TMCO4: variants seen among roughly 807,000 people sequenced by gnomAD.
The protein encoded by TMCO4 is transmembrane and coiled-coil domains 4.
Under a neutral mutation model 64.7 loss-of-function variants are expected in TMCO4, and 58 were observed. The observed-to-expected ratio is 0.90, with a 90% CI of 0.73 to 1.12. The LOEUF (loss-of-function observed/expected upper bound fraction) is 1.12. TMCO4 is among the 50% of genes most tolerant of loss of function. TMCO4 has a pLI of 0.00. For missense variants in TMCO4, 780 were observed against 825.9 expected (o/e 0.94, Z 0.68); for synonymous variants, 325 against 346.1 (o/e 0.94, Z 0.68).
At chr1:19,796,637 C>T (rs890669882) in intron 2 of TMCO4, among the ~76,000 whole-genome samples, 7 of 152,038 alleles carry the variant, frequency 4.6e-5, no homozygotes, top group Non-Finnish European at 7.4e-5. Context: ...TGCAGTAGCT[C>T]GATCTCGGCT....
Position 19,693,181 on chromosome 1 carries a change from A to C in TMCO4, c.1500+1253T>G, listed in dbSNP as rs1378348729. On this transcript the variant is annotated intron_variant, in intron 15 of 15. Coordinates refer to ENST00000294543, the MANE Select transcript of TMCO4 (RefSeq NM_181719.7). ...CCCCATCTCAAAAAAAAAAAAAAAA[A>C]AAAAAAAAAAAAAAAAAAAGGCCAG... Among the ~76,000 whole-genome samples, 70 of 141,304 alleles carry C rather than the reference A, an allele frequency of 5.0e-4. 1 individual carries two copies. The highest frequency in any genetic ancestry group is 3.5e-3 in the Middle Eastern group (1 of 286). The allele number at this position is 141,304 out of a possible 152,430, so 92.7% of individuals were successfully genotyped here. A position where few individuals can be genotyped will look rare whatever the true frequency, so the allele number is the denominator to read the frequency against.
intron 2 of TMCO4, among the ~76,000 whole-genome samples, chr1:19,788,378 G>GA (rs1338761170): frequency 1.3e-5 from 2 of 152,152 alleles, no homozygotes; most frequent in African/African-American, 4.8e-5. Context: ...GAACTCTCTA[G>GA]AAAGTTATTT....
chr1:19,690,203 T>C (rs1026706060), intron 15 of TMCO4, among the ~76,000 whole-genome samples: 15 of 152,214 alleles, frequency 9.9e-5, no homozygotes, highest in African/African-American at 3.1e-4. Flanking sequence ...CTCATTCTTC[T>C]TGGATGCTGG....
In TMCO4 at chr1:19,756,761, G is replaced by A. The variant is rs189626804; in HGVS notation, c.383-995C>T. ...AATCCCAGCTACTTTGGAAGCTGAT[G>A]GGGGAGGATCACTTGAGCGCAGGAG... On this transcript the variant is annotated intron_variant, in intron 6 of 15. Coordinates refer to ENST00000294543, the MANE Select transcript of TMCO4 (RefSeq NM_181719.7). Among the ~76,000 whole-genome samples, 220 of 152,292 alleles carry A rather than the reference G, an allele frequency of 1.4e-3. 1 individual carries two copies. Among genetic ancestry groups the A allele is most frequent in the African/African-American group, 5.1e-3 (214 of 41,562 alleles).
intron 13 of TMCO4, among the ~76,000 whole-genome samples, chr1:19,709,935 C>T (rs1032670186): frequency 2.7e-5 from 4 of 150,812 alleles, no homozygotes; most frequent in Non-Finnish European, 5.9e-5. Context: ...ATTACAGCCA[C>T]CATGCCCAGT....
chr1:19,694,293 C>T (rs751688381), intron 15 of TMCO4, 141 bp downstream of exon 15: 15 of 681,922 alleles, frequency 2.2e-5, no homozygotes, highest in Non-Finnish European at 3.4e-5. Context: ...TGAGCCACTG[C>T]ACCTGGCTCC....
At chr1:19,748,604 C>T (rs1193139317) in intron 7 of TMCO4, among the ~76,000 whole-genome samples, 6 of 152,192 alleles carry the variant, frequency 3.9e-5, no homozygotes, top group South Asian at 2.1e-4. Context: ...GCAGGTGGAT[C>T]ACCTGAGGTC....
In TMCO4 at chr1:19,682,913, A is replaced by G. The variant is rs1055103416; in HGVS notation, c.*127T>C. On this transcript the variant is annotated 3_prime_UTR_variant, in exon 16 of 16. Coordinates refer to ENST00000294543, the MANE Select transcript of TMCO4 (RefSeq NM_181719.7). ...CCATTTCCTTTCCCTTTCAGTTCCA[A>G]TTCCTTCCATTTAGGAAAGAGGCCT... 3 of 1,268,722 alleles carry G rather than the reference A, an allele frequency of 2.4e-6. No individual in the cohort carries two copies. The highest frequency in any genetic ancestry group is 1.4e-5 in the South Asian group (1 of 69,474). 78.6% of individuals were successfully genotyped at this position (1,268,722 alleles called of 1,614,324 possible).
rs12077869 is a variant in TMCO4, at chr1:19,754,294, T to C, written c.515+1340A>G. On this transcript the variant is annotated intron_variant, in intron 7 of 15. Transcript: ENST00000294543. ...TAATTTCAAGGCATATAAGATCCTA[T>C]AAATTCCCGACATATCCAAAGAACC... Among the ~76,000 whole-genome samples, 244 of 152,312 alleles carry C rather than the reference T, an allele frequency of 1.6e-3. 1 individual carries two copies. The highest frequency in any genetic ancestry group is 5.8e-3 in the African/African-American group (240 of 41,556).
At chr1:19,701,193 T>A in intron 13 of TMCO4, 1 of 146,416 alleles carries the variant, frequency 6.8e-6, no homozygotes, top group African/African-American at 3.2e-5. Context: ...TTTTTTGAGG[T>A]GGAGTCTCAC....
chr1:19,757,874 C>G (rs2042336500), intron 6 of TMCO4, among the ~76,000 whole-genome samples: 1 of 152,188 alleles, frequency 6.6e-6, no homozygotes. Flanking sequence ...GACTCAAGTA[C>G]TATGACATGC....
intron 13 of TMCO4, among the ~76,000 whole-genome samples, chr1:19,720,635 C>CATAA (rs146702188): frequency 0.024 from 3,687 of 151,994 alleles, 151 homozygotes; most frequent in African/African-American, 0.083. Flanking sequence ...TGGGGCTTTG[C>CATAA]ATAAATAAAT....
chr1:19,745,031 G>A (rs989880132), intron 10 of TMCO4, among the ~76,000 whole-genome samples: 3 of 151,992 alleles, frequency 2.0e-5, no homozygotes, highest in Non-Finnish European at 4.4e-5. Context: ...CAGATGGGTG[G>A]GTGAATGGAC....
At chr1:19,709,013 G>C (rs1168880849) in intron 13 of TMCO4, among the ~76,000 whole-genome samples, 1 of 152,124 alleles carries the variant, frequency 6.6e-6, no homozygotes, top group Non-Finnish European at 1.5e-5. Flanking sequence ...CCATTCCAAA[G>C]ATACACACGT....
chr1:19,684,683 G>A (rs547556138), intron 15 of TMCO4, among the ~76,000 whole-genome samples: 20 of 152,276 alleles, frequency 1.3e-4, no homozygotes, highest in Admixed American at 9.8e-4. Context: ...TAGTCACAAG[G>A]ACTCACATTT....
chr1:19,757,391 C>T (rs1053059981), intron 6 of TMCO4, among the ~76,000 whole-genome samples: 2 of 152,172 alleles, frequency 1.3e-5, no homozygotes, highest in Non-Finnish European at 1.5e-5. Flanking sequence ...ATGTCCTGCT[C>T]TGACTTAGAT....
intron 13 of TMCO4, among the ~76,000 whole-genome samples, chr1:19,703,365 C>T (rs1053239801): frequency 2.6e-5 from 4 of 151,936 alleles, no homozygotes; most frequent in African/African-American, 4.8e-5. Context: ...GGAGTTCGTG[C>T]GCCCCACTGG....
At chr1:19,731,436 T>C (rs1423412813) in intron 13 of TMCO4, among the ~76,000 whole-genome samples, 2 of 152,230 alleles carry the variant, frequency 1.3e-5, no homozygotes, top group Non-Finnish European at 2.9e-5. Context: ...TAGATACTAT[T>C]ATTGGCTATG....
At chr1:19,716,568 A>C (rs964963008) in intron 13 of TMCO4, among the ~76,000 whole-genome samples, 1 of 151,168 alleles carries the variant, frequency 6.6e-6, no homozygotes, top group Non-Finnish European at 1.5e-5. Context: ...AATTAAAGGG[A>C]CAGATAAAGG....
Sources: allele counts gnomAD v4.1 joint callset (sites outside exome capture counted in the v4.1 genomes callset), GRCh38; gene constraint gnomAD v4.1.1; transcripts MANE v1.5; gene names NCBI Gene and HGNC (gene_info 2026-07-23, HGNC 2026-07-21).